Variants in SYT7 observed in about 807,000 individuals in gnomAD.
The protein encoded by SYT7 is synaptotagmin-7.
Under a neutral mutation model 75.1 loss-of-function variants are expected in SYT7, and 29 were observed. The observed-to-expected ratio is 0.39, with a 90% CI of 0.29 to 0.53. The LOEUF (loss-of-function observed/expected upper bound fraction) is 0.53, where lower values mean the gene tolerates loss of function less well. SYT7 is among the 20% of genes least tolerant of loss of function. The pLI is 0.77. For missense variants in SYT7, 693 were observed against 953.2 expected (o/e 0.73, Z 3.59); for synonymous variants, 376 against 401.7 (o/e 0.94, Z 0.76).
chr11:61,540,501 T>C (rs898196112), intron 6 of SYT7: 1 of 985,208 alleles, frequency 1.0e-6, no homozygotes, highest in African/African-American at 1.7e-5. Flanking sequence ...CTAGGAAAAG[T>C]TGGCCGACCC....
rs764775977 is a variant in SYT7, at chr11:61,523,024, G to T, written c.1956+51C>A. ...ACCCCCGCTGCTTCTTTTAAGGAAC[G>T]GAGCCTCACTGGTGCCAGCAGGTGC... is the stretch of plus-strand genomic sequence containing the variant. On this transcript the variant is annotated intron_variant, in intron 12 of 12. Coordinates refer to ENST00000539008, the MANE Select transcript of SYT7 (RefSeq NM_001365809.2). The surrounding 1 kb of genome is among the most constrained non-coding windows in gnomAD (Gnocchi z 5.0). The T allele has an allele frequency of 6.3e-7, 1 of 1,596,516 alleles. No homozygotes were observed. The highest frequency in any genetic ancestry group is 1.3e-5 in the African/African-American group (1 of 74,650).
intron 3 of SYT7, among the ~76,000 whole-genome samples, chr11:61,550,090 C>T (rs2063305627): frequency 6.6e-6 from 1 of 152,348 alleles, no homozygotes; most frequent in East Asian, 1.9e-4. Flanking sequence ...CCCCTGGGCC[C>T]TGCCAGCACT....
chr11:61,539,402 C>T (rs1156387178), intron 6 of SYT7: 3 of 152,140 alleles, frequency 2.0e-5, no homozygotes, highest in Non-Finnish European at 2.9e-5. Flanking sequence ...GAATCATTGG[C>T]GACCCTGCTG....
chr11:61,554,823 C>CACACACTT (rs1466559191), intron 2 of SYT7, among the ~76,000 whole-genome samples: 1 of 152,174 alleles, frequency 6.6e-6, no homozygotes. Context: ...TCGGGTCATG[C>CACACACTT]ACACACTTGC....
chr11:61,521,284 T>G (rs2062320162), intron 12 of SYT7, among the ~76,000 whole-genome samples: 1 of 152,220 alleles, frequency 6.6e-6, no homozygotes, highest in Admixed American at 6.5e-5. Flanking sequence ...AAATCCACAT[T>G]TGCTTTGGTT....
At position 61,517,373 on chromosome 11, in the gene SYT7, T is replaced by A. The variant is rs1590804107; in HGVS notation, c.*1254A>T. ...TTTTCCCTGCCTCCTTTCCCTGCACTGTGAGTGAGTCGGGCAGAAGGAGCT... is the reference window on the plus strand; with the variant it reads ...TTTTCCCTGCCTCCTTTCCCTGCACAGTGAGTGAGTCGGGCAGAAGGAGCT... On this transcript the variant is annotated 3_prime_UTR_variant, in exon 13 of 13. Transcript: ENST00000539008. 5.3e-5 allele frequency: 21 copies of A among 398,678 alleles called. No individual in the cohort carries two copies. In the East Asian group the frequency reaches 7.5e-4, roughly 14 times the overall value. 24.7% of individuals were successfully genotyped at this position (398,678 alleles called of 1,614,324 possible). A position where few individuals can be genotyped will look rare whatever the true frequency, so the allele number is the denominator to read the frequency against.
chr11:61,580,896 G>C lies in SYT7; in HGVS notation c.-76C>G, dbSNP rs1015018607. 10 of 1,121,166 alleles carry C rather than the reference G, an allele frequency of 8.9e-6. No homozygotes were observed. In the African/African-American group the frequency reaches 1.7e-4, roughly 19 times the overall value. 69.5% of individuals were successfully genotyped at this position (1,121,166 alleles called of 1,614,324 possible). On this transcript the variant is annotated 5_prime_UTR_variant, in exon 1 of 13. Transcript: ENST00000539008. This position sits in a 1 kb window ranked among gnomAD's most constrained non-coding sequence, Gnocchi z 6.1. ...GCGCGCTGCTCCGCCGCCGCCGCTG[G>C]GCATGGGGCCGGGCGACCCCCGGGG...
chr11:61,561,167 G>A (rs1405364381), intron 1 of SYT7, among the ~76,000 whole-genome samples: 1 of 152,202 alleles, frequency 6.6e-6, no homozygotes, highest in African/African-American at 2.4e-5. Flanking sequence ...GCCCTAGTCA[G>A]CCTTTTGACA....
In SYT7 at chr11:61,535,523, G is replaced by A. The variant is rs1156783036; in HGVS notation, c.1065-2399C>T. Among the ~76,000 whole-genome samples, 3 of 152,240 alleles carry A rather than the reference G, an allele frequency of 2.0e-5. No homozygotes were observed. The East Asian group carries it at 5.8e-4, about 29-fold the overall frequency. On this transcript the variant is annotated intron_variant, in intron 7 of 12. Coordinates refer to ENST00000539008, the MANE Select transcript of SYT7 (RefSeq NM_001365809.2). ...GGTGGAATGGGCGCAGCAGGGCGTG[G>A]AGCCAGGGCCTCCCTCCCTCCCGGG...
At chr11:61,519,265 G>A (rs368843019) in intron 12 of SYT7, among the ~76,000 whole-genome samples, 1 of 152,382 alleles carries the variant, frequency 6.6e-6, no homozygotes, top group East Asian at 1.9e-4. Context: ...TATAAGTGGT[G>A]CAGAGGGATT....
At position 61,580,878 on chromosome 11, in the gene SYT7, G is replaced by C; in HGVS notation, c.-58C>G. On this transcript the variant is annotated 5_prime_UTR_variant, in exon 1 of 13. Transcript: ENST00000539008. This position sits in a 1 kb window ranked among gnomAD's most constrained non-coding sequence, Gnocchi z 6.1. ...TCAGAGCCGCCCGCGGCCGCGCGCT[G>C]CTCCGCCGCCGCCGCTGGGCATGGG... 8.6e-7 allele frequency: 1 copy of C among 1,156,964 alleles called. No individual in the cohort carries two copies. The highest frequency in any genetic ancestry group is 1.1e-6 in the Non-Finnish European group (1 of 941,024). The allele number at this position is 1,156,964 out of a possible 1,614,324, so 71.7% of individuals were successfully genotyped here.
In SYT7 at chr11:61,580,658, A is replaced by G; in HGVS notation, c.31+132T>C. On this transcript the variant is annotated intron_variant, in intron 1 of 12. Coordinates refer to ENST00000539008, the MANE Select transcript of SYT7 (RefSeq NM_001365809.2). The surrounding 1 kb of genome is among the most constrained non-coding windows in gnomAD (Gnocchi z 6.1). ...TCGATCCCGCGCCCCCGGGGCTGGG[A>G]TGACCCCTGGGGGAGCCCGTGCGGC... 1 of 517,918 alleles carries G rather than the reference A, an allele frequency of 1.9e-6. No homozygotes were observed. The highest frequency in any genetic ancestry group is 2.8e-6 in the Non-Finnish European group (1 of 352,632). The allele number at this position is 517,918 out of a possible 1,614,324, so 32.1% of individuals were successfully genotyped here.
In SYT7 at chr11:61,516,361, C is replaced by T. The variant is rs992214535; in HGVS notation, c.*2266G>A. The stretch of plus-strand genomic sequence containing the variant: ...GAAGAGACCCCTGCCAGGAGATGCT[C>T]TCTGCATAGGATTGGCTAAGAGCTC... On this transcript the variant is annotated 3_prime_UTR_variant, in exon 13 of 13. Transcript: ENST00000539008. The surrounding 1 kb of genome is among the most constrained non-coding windows in gnomAD (Gnocchi z 4.6). 5.3e-5 allele frequency: 8 copies of T among 152,292 alleles called. No homozygotes were observed. Among genetic ancestry groups the T allele is most frequent in the Middle Eastern group, 3.4e-3 (1 of 294 alleles). The allele number at this position is 152,292 out of a possible 1,614,324, so 9.4% of individuals were successfully genotyped here.
chr11:61,583,992 C>T (rs1164082829), upstream of SYT7, among the ~76,000 whole-genome samples: 1 of 152,142 alleles, frequency 6.6e-6, no homozygotes. Flanking sequence ...TGGGCAGACA[C>T]CTCTGGGCCT....
At chr11:61,586,225 C>T in the SYT7 span, among the ~76,000 whole-genome samples, 1 of 152,236 alleles carries the variant, frequency 6.6e-6, no homozygotes, top group African/African-American at 2.4e-5. Context: ...AAGTGTTTGG[C>T]TCAGCCCCTC....
Position 61,517,812 on chromosome 11 carries a change from T to A in SYT7, c.*815A>T, listed in dbSNP as rs2135002205. ...TTGCTGAGGAGGGAACTACTTCAGA[T>A]TCTGAGCAGAGGGGGGCACCAAGGG... On this transcript the variant is annotated 3_prime_UTR_variant, in exon 13 of 13. Coordinates refer to ENST00000539008, the MANE Select transcript of SYT7 (RefSeq NM_001365809.2). 3.4e-6 allele frequency: 1 copy of A among 297,608 alleles called. No homozygotes were observed. The highest frequency in any genetic ancestry group is 5.6e-5 in the East Asian group (1 of 17,992). The allele number at this position is 297,608 out of a possible 1,614,324, so 18.4% of individuals were successfully genotyped here.
rs563362843 is a variant in SYT7 at position 61,518,233 on chromosome 11, G to C, written c.*394C>G. ...GCCTCCCCTCCCCGGGTCCACATCG[G>C]GGGCTGGAGAGGGAGTGGCCTCTCT... is the stretch of plus-strand genomic sequence containing the variant. On this transcript the variant is annotated 3_prime_UTR_variant, in exon 13 of 13. Transcript: ENST00000539008. 1.1e-3 allele frequency: 194 copies of C among 169,144 alleles called. 1 individual carries two copies. The highest frequency in any genetic ancestry group is 2.2e-3 in the Non-Finnish European group (174 of 79,314). 10.5% of individuals were successfully genotyped at this position (169,144 alleles called of 1,614,324 possible).
At chr11:61,549,507 C>T (rs1427037536) in intron 3 of SYT7, among the ~76,000 whole-genome samples, 1 of 152,220 alleles carries the variant, frequency 6.6e-6, no homozygotes, top group East Asian at 1.9e-4. Flanking sequence ...CTAAAGAACA[C>T]AGTTTCCCAG....
chr11:61,548,958 G>A (rs1256495792), intron 3 of SYT7, among the ~76,000 whole-genome samples: 1 of 152,194 alleles, frequency 6.6e-6, no homozygotes, highest in African/African-American at 2.4e-5. Flanking sequence ...GCAGTAAGTG[G>A]TGGGTATGGA....
Sources: allele counts gnomAD v4.1 joint callset (sites outside exome capture counted in the v4.1 genomes callset), GRCh38; gene constraint gnomAD v4.1.1; non-coding constraint Gnocchi (gnomAD v3.1); transcripts MANE v1.5; gene names NCBI Gene and HGNC (gene_info 2026-07-23, HGNC 2026-07-21).